Variants in SMIM36 observed in about 807,000 individuals in gnomAD.
The protein encoded by SMIM36 is small integral membrane protein 36.
At chr17:55,529,467 A>G in the SMIM36 span, among the ~76,000 whole-genome samples, 1 of 152,112 alleles carries the variant, frequency 6.6e-6, no homozygotes, top group Non-Finnish European at 1.5e-5. Flanking sequence ...TACAAAAAAT[A>G]CAAAAGTATC....
intron 1 of SMIM36, among the ~76,000 whole-genome samples, chr17:55,507,775 T>C (rs1278585973): frequency 6.6e-6 from 1 of 152,040 alleles, no homozygotes; most frequent in Non-Finnish European, 1.5e-5. Context: ...ACCACTGGCT[T>C]TGCGCATGCG....
chr17:55,518,993 GTT>G, the SMIM36 span, among the ~76,000 whole-genome samples: 11 of 143,126 alleles, frequency 7.7e-5, no homozygotes, highest in African/African-American at 2.3e-4. Flanking sequence ...TGATATTTGG[GTT>G]TTTTTTTTTT....
At chr17:55,464,497 T>TA (rs76557608) in intron 4 of SMIM36, among the ~76,000 whole-genome samples, 28 of 144,632 alleles carry the variant, frequency 1.9e-4, no homozygotes, top group African/African-American at 2.5e-4. Flanking sequence ...AAAACAAAAT[T>TA]AAAAAAAAAA....
intron 1 of SMIM36, among the ~76,000 whole-genome samples, chr17:55,498,438 G>A (rs889515512): frequency 6.6e-6 from 1 of 152,048 alleles, no homozygotes; most frequent in Admixed American, 6.6e-5. Context: ...ACTATCCTGA[G>A]CTGTCTCTAG....
At chr17:55,491,003 T>G (rs903522436) in intron 1 of SMIM36, among the ~76,000 whole-genome samples, 1 of 151,734 alleles carries the variant, frequency 6.6e-6, no homozygotes, top group African/African-American at 2.4e-5. Context: ...ACCTGTAATC[T>G]CAGCACTTTG....
intron 1 of SMIM36, among the ~76,000 whole-genome samples, chr17:55,507,582 G>GT (rs1050775306): frequency 1.9e-5 from 2 of 102,808 alleles, no homozygotes; most frequent in African/African-American, 7.6e-5. Flanking sequence ...CTGTGGTGGG[G>GT]TGGGGGGAGG....
chr17:55,518,758 G>A, the SMIM36 span, among the ~76,000 whole-genome samples: 1 of 152,170 alleles, frequency 6.6e-6, no homozygotes, highest in Non-Finnish European at 1.5e-5. Flanking sequence ...CCCATGGGTT[G>A]TGAGTTGTGA....
chr17:55,491,225 G>C (rs2144708596), intron 1 of SMIM36, among the ~76,000 whole-genome samples: 1 of 118,244 alleles, frequency 8.5e-6, no homozygotes, highest in African/African-American at 3.4e-5. Flanking sequence ...TTAGGTGACA[G>C]AGCAAGACTC....
At chr17:55,473,471 G>C (rs1019460853) in intron 3 of SMIM36, among the ~76,000 whole-genome samples, 4 of 151,994 alleles carry the variant, frequency 2.6e-5, no homozygotes, top group Non-Finnish European at 4.4e-5. Context: ...CCCTGATTTG[G>C]CCCCCCTACT....
chr17:55,462,105 T>C (rs575847674), intron 4 of SMIM36, among the ~76,000 whole-genome samples: 1 of 152,314 alleles, frequency 6.6e-6, no homozygotes, highest in South Asian at 2.1e-4. Flanking sequence ...TTGTGGAAAG[T>C]GTATGGCCTT....
At chr17:55,465,894 T>C (rs1263680672) in intron 4 of SMIM36, among the ~76,000 whole-genome samples, 1 of 152,182 alleles carries the variant, frequency 6.6e-6, no homozygotes, top group Non-Finnish European at 1.5e-5. Flanking sequence ...TTAGATCCAC[T>C]GGACTGCAGG....
chr17:55,465,546 T>G (rs1172512392), intron 4 of SMIM36, among the ~76,000 whole-genome samples: 1 of 152,126 alleles, frequency 6.6e-6, no homozygotes, highest in Non-Finnish European at 1.5e-5. Context: ...TTATGTTGGG[T>G]AGATGCATAT....
At chr17:55,476,325 C>A (rs1026859010) in intron 3 of SMIM36, among the ~76,000 whole-genome samples, 4 of 152,084 alleles carry the variant, frequency 2.6e-5, no homozygotes, top group Non-Finnish European at 5.9e-5. Flanking sequence ...GTGACCCCTA[C>A]CCCTGCCCAC....
chr17:55,517,899 T>A, the SMIM36 span, among the ~76,000 whole-genome samples: 2 of 152,004 alleles, frequency 1.3e-5, no homozygotes, highest in African/African-American at 4.8e-5. Context: ...AGAAGAGGAA[T>A]AAGGACAGAG....
chr17:55,518,835 G>A, the SMIM36 span, among the ~76,000 whole-genome samples: 2 of 151,644 alleles, frequency 1.3e-5, no homozygotes, highest in African/African-American at 4.9e-5. Context: ...TAATATGAGA[G>A]AGAAAAGGAA....
chr17:55,483,962 T>C (rs1182362153), intron 1 of SMIM36, among the ~76,000 whole-genome samples: 3 of 152,156 alleles, frequency 2.0e-5, no homozygotes, highest in Admixed American at 6.6e-5. Context: ...AATCTCTCTC[T>C]TTTTCTTTCT....
chr17:55,490,005 C>T (rs114611398), intron 1 of SMIM36, among the ~76,000 whole-genome samples: 2,547 of 149,090 alleles, frequency 0.017, 67 homozygotes, highest in African/African-American at 0.059. Context: ...CCTGCCACTG[C>T]GCCTGGCAAT....
the SMIM36 span, among the ~76,000 whole-genome samples, chr17:55,528,770 C>G: frequency 6.6e-6 from 1 of 152,022 alleles, no homozygotes; most frequent in South Asian, 2.1e-4. Context: ...ACGCTGGTCT[C>G]GAACTCCTAA....
At chr17:55,508,431 A>AATAT (rs55879501) in intron 1 of SMIM36, among the ~76,000 whole-genome samples, 2,503 of 114,024 alleles carry the variant, frequency 0.022, 86 homozygotes, top group East Asian at 0.029. Flanking sequence ...TATTCCTAGG[A>AATAT]ATATATATAT....
Sources: allele counts gnomAD v4.1 joint callset (sites outside exome capture counted in the v4.1 genomes callset), GRCh38; gene constraint gnomAD v4.1.1; transcripts MANE v1.5; gene names NCBI Gene and HGNC (gene_info 2026-07-23, HGNC 2026-07-21).